Variants in THRB observed in about 807,000 individuals in gnomAD.
The protein encoded by THRB is nuclear receptor subfamily 1 group A member 2.
A neutral mutation model predicts 47.8 loss-of-function variants in THRB; 12 were observed. That is an observed-to-expected ratio of 0.25 (90% CI 0.16 to 0.41). THRB has a LOEUF of 0.41. THRB is among the 10% of genes least tolerant of loss of function. The pLI, the probability that THRB is intolerant of heterozygous loss-of-function variation, is 1.00. For synonymous variants in THRB, 218 were observed against 212.2 expected (o/e 1.03, Z -0.24); for missense variants, 348 against 589.2 (o/e 0.59, Z 4.24).
At chr3:24,391,269 T>C (rs908793421) in intron 1 of THRB, among the ~76,000 whole-genome samples, 1 of 152,168 alleles carries the variant, frequency 6.6e-6, no homozygotes, top group African/African-American at 2.4e-5. Flanking sequence ...CATAAAAGAA[T>C]AATTATAATT....
chr3:24,243,396 TC>T (rs1176383513), intron 3 of THRB, among the ~76,000 whole-genome samples: 1 of 152,028 alleles, frequency 6.6e-6, no homozygotes, highest in Admixed American at 6.6e-5. Flanking sequence ...GTCTCTCCTC[TC>T]CCAGTTTCAG....
intron 3 of THRB, among the ~76,000 whole-genome samples, chr3:24,281,847 T>C (rs1171693185): frequency 1.3e-5 from 2 of 151,444 alleles, no homozygotes; most frequent in Non-Finnish European, 2.9e-5. Context: ...AAGGCCATTA[T>C]TTAATGGTAA....
intron 3 of THRB, among the ~76,000 whole-genome samples, chr3:24,285,082 G>A (rs1268776662): frequency 2.6e-5 from 4 of 151,734 alleles, no homozygotes; most frequent in African/African-American, 7.3e-5. Context: ...CCATTACTGG[G>A]TATATACCCA....
chr3:24,378,500 A>G (rs2065457161), intron 1 of THRB, among the ~76,000 whole-genome samples: 1 of 152,156 alleles, frequency 6.6e-6, no homozygotes, highest in Admixed American at 6.5e-5. Context: ...TGGAAAGGCT[A>G]GTTCTTAGAA....
chr3:24,238,289 G>T (rs1197113394), intron 3 of THRB, among the ~76,000 whole-genome samples: 7 of 132,350 alleles, frequency 5.3e-5, no homozygotes, highest in South Asian at 2.8e-4. Flanking sequence ...GGGGGGGGGG[G>T]GGGTGTGTGG....
At chr3:24,169,410 G>A (rs2040119812) in intron 5 of THRB, among the ~76,000 whole-genome samples, 1 of 152,112 alleles carries the variant, frequency 6.6e-6, no homozygotes, top group Non-Finnish European at 1.5e-5. Context: ...CTATACTCTA[G>A]GGATTACGGA....
intron 1 of THRB, among the ~76,000 whole-genome samples, chr3:24,473,738 A>C (rs1387689795): frequency 6.6e-6 from 1 of 151,628 alleles, no homozygotes; most frequent in Non-Finnish European, 1.5e-5. Context: ...GCACATATAC[A>C]CCACATATAC....
intron 4 of THRB, among the ~76,000 whole-genome samples, chr3:24,198,459 C>T (rs1227187009): frequency 1.1e-5 from 1 of 91,216 alleles, no homozygotes; most frequent in Non-Finnish European, 2.4e-5. Context: ...CCCGCCCCCC[C>T]CCCCCCCTTT....
chr3:24,434,979 T>A (rs924372289), intron 1 of THRB, among the ~76,000 whole-genome samples: 1 of 152,152 alleles, frequency 6.6e-6, no homozygotes, highest in African/African-American at 2.4e-5. Context: ...TCAGATTGGA[T>A]TTTTTAAGAA....
intron 3 of THRB, among the ~76,000 whole-genome samples, chr3:24,282,788 C>A (rs2054766627): frequency 6.7e-6 from 1 of 149,820 alleles, no homozygotes; most frequent in Non-Finnish European, 1.5e-5. Context: ...AAACTACCAT[C>A]AGAGAATACT....
chr3:24,450,860 C>T (rs76479039), intron 1 of THRB, among the ~76,000 whole-genome samples: 2 of 152,266 alleles, frequency 1.3e-5, no homozygotes, highest in African/African-American at 4.8e-5. Context: ...CAGGATTAAT[C>T]CATGCAGCTC....
intron 5 of THRB, among the ~76,000 whole-genome samples, chr3:24,181,284 A>T (rs1452936590): frequency 1.3e-5 from 2 of 152,158 alleles, no homozygotes; most frequent in African/African-American, 2.4e-5. Flanking sequence ...TTAAAAATGG[A>T]GTGTAGATTC....
intron 1 of THRB, among the ~76,000 whole-genome samples, chr3:24,446,974 A>G (rs1395241193): frequency 3.9e-5 from 6 of 152,202 alleles, no homozygotes; most frequent in African/African-American, 1.4e-4. Context: ...TTGTCCTTGC[A>G]AAGTATTTTT....
chr3:24,439,697 A>G (rs532987978), intron 1 of THRB, among the ~76,000 whole-genome samples: 2 of 152,348 alleles, frequency 1.3e-5, no homozygotes, highest in Admixed American at 6.5e-5. Context: ...ACATGTTGGT[A>G]ACTTTAATAA....
Position 24,119,021 on chromosome 3 carries a change from A to AT in THRB, c.*3862dup, listed in dbSNP as rs1407019079. On this transcript the variant is annotated 3_prime_UTR_variant, in exon 11 of 11. Transcript: ENST00000646209. Reference sequence around the variant, plus strand: ...TTTTTTTTGAGTGTGTTTTTAATGCATTTTTTTTAAAGATTAAAGTAAAAT... The same window carrying AT: ...TTTTTTTTGAGTGTGTTTTTAATGCATTTTTTTTTAAAGATTAAAGTAAAAT... 19 of 21,690 alleles carry AT rather than the reference A, an allele frequency of 8.8e-4. No individual in the cohort carries two copies. Among genetic ancestry groups the AT allele is most frequent in the Middle Eastern group, 0.026 (1 of 38 alleles). The allele number at this position is 21,690 out of a possible 1,614,324, so 1.3% of individuals were successfully genotyped here.
intron 3 of THRB, among the ~76,000 whole-genome samples, chr3:24,293,273 T>A (rs369984339): frequency 6.6e-6 from 1 of 152,180 alleles, no homozygotes. Flanking sequence ...GAGTCACCCA[T>A]CCCAGTATCA....
chr3:24,418,171 A>C (rs1316869897), intron 1 of THRB, among the ~76,000 whole-genome samples: 2 of 151,644 alleles, frequency 1.3e-5, no homozygotes, highest in Non-Finnish European at 2.9e-5. Context: ...CTCTTGTTAT[A>C]GCAGTCTGCA....
At chr3:24,392,001 A>C (rs4630886) in intron 1 of THRB, among the ~76,000 whole-genome samples, 102,255 of 151,986 alleles carry the variant, frequency 0.67, 34,646 homozygotes, top group African/African-American at 0.71. Context: ...AAGCAACGCT[A>C]CTTTCTTCTG....
intron 2 of THRB, among the ~76,000 whole-genome samples, chr3:24,307,800 T>C (rs1380949037): frequency 2.6e-5 from 4 of 152,220 alleles, no homozygotes; most frequent in Non-Finnish European, 5.9e-5. Context: ...GACTTTGCTC[T>C]GTCCATACTC....
Sources: gnomAD v4.1 joint callset for allele counts (sites outside exome capture counted in the v4.1 genomes callset) on GRCh38, gnomAD v4.1.1 for gene constraint, MANE v1.5 for transcripts, NCBI Gene and HGNC (gene_info 2026-07-23, HGNC 2026-07-21) for gene names.